The following GRK2 variants were observed in gnomAD, a reference collection of about 807,000 sequenced individuals.
GRK2 encodes the protein adrenergic beta receptor kinase 1.
In GRK2, 23 loss-of-function variants were observed where a neutral mutation model predicts 97.8. The ratio of observed to expected loss-of-function variants is 0.24; its 90% CI spans 0.17 to 0.33. The LOEUF is 0.33. Ranked by LOEUF, GRK2 falls within the 10% of genes least tolerant of loss-of-function variation. GRK2 has a pLI of 1.00. For synonymous variants in GRK2, 425 were observed against 381.7 expected, an observed-to-expected ratio of 1.11 and a Z score of -1.32; for missense variants, 633 against 956.9, an observed-to-expected ratio of 0.66 and a Z score of 4.47.
In GRK2 at chr11:67,280,927, C is replaced by G. The variant is rs1018229902; in HGVS notation, c.555+144C>G. The G allele has an allele frequency of 2.6e-6, 3 of 1,171,942 alleles. No homozygotes were observed. The African/African-American group carries it at 4.5e-5, about 18-fold the overall frequency. The allele number at this position is 1,171,942 out of a possible 1,614,324, so 72.6% of individuals were successfully genotyped here. The stretch of plus-strand genomic sequence containing the variant: ...GGGCCGTGGCTATGGGGGTCAGGGC[C>G]GGGATCCCAGCATGGGGAGGCCGGA... On this transcript the variant is annotated intron_variant, in intron 7 of 20. Transcript: ENST00000308595.
At chr11:67,266,979 G>T (rs1202727537) in intron 1 of GRK2, among the ~76,000 whole-genome samples, 167 bp downstream of exon 1, 1 of 151,832 alleles carries the variant, frequency 6.6e-6, no homozygotes, top group East Asian at 2.0e-4. Flanking sequence ...GCGCCTGCGG[G>T]TCCAGACCCT....
In GRK2 at chr11:67,281,392, G is replaced by GC. The variant is rs1011492440; in HGVS notation, c.648-62dup. 8 of 1,435,322 alleles carry GC rather than the reference G, an allele frequency of 5.6e-6. No homozygotes were observed. Among genetic ancestry groups the GC allele is most frequent in the African/African-American group, 4.2e-5 (3 of 71,274 alleles). 88.9% of individuals were successfully genotyped at this position (1,435,322 alleles called of 1,614,324 possible). A position where few individuals can be genotyped will look rare whatever the true frequency, so the allele number is the denominator to read the frequency against. On this transcript the variant is annotated intron_variant, in intron 8 of 20. Coordinates refer to ENST00000308595, the MANE Select transcript of GRK2 (RefSeq NM_001619.5). The surrounding 1 kb of genome is among the most constrained non-coding windows in gnomAD (Gnocchi z 5.7). ...CCTGGGTCTAGTCTTTCCCTCAAGC[G>GC]CCCCCTGAGGCAGCCCTGGGCCCCT...
chr11:67,279,988 C>A, intron 6 of GRK2, 88 bp downstream of exon 6: 1 of 1,346,802 alleles, frequency 7.4e-7, no homozygotes, highest in Non-Finnish European at 1.1e-6. Context: ...AGAAGCCAGC[C>A]TTCATTAGGC....
intron 2 of GRK2, 48 bp downstream of exon 2, chr11:67,277,396 C>T (rs1373938809): frequency 6.5e-7 from 1 of 1,541,884 alleles, no homozygotes; most frequent in Admixed American, 1.7e-5. Context: ...ACTTCTTGCC[C>T]CTACCCCAGC....
rs1310420394 is a variant in GRK2, at chr11:67,269,365, G to A, written c.113+2553G>A. Among the ~76,000 whole-genome samples, 1 of 152,186 alleles carries A rather than the reference G, an allele frequency of 6.6e-6. No individual in the cohort carries two copies. On this transcript the variant is annotated intron_variant, in intron 1 of 20. Coordinates refer to ENST00000308595, the MANE Select transcript of GRK2 (RefSeq NM_001619.5). This position sits in a 1 kb window ranked among gnomAD's most constrained non-coding sequence, Gnocchi z 4.1. ...TTGAGGCTCAGGGAGGGGAGGAGTCGTGTCCTCGTCACAGAAGAAAGCTGG... is the reference window on the plus strand; with the variant it reads ...TTGAGGCTCAGGGAGGGGAGGAGTCATGTCCTCGTCACAGAAGAAAGCTGG...
chr11:67,281,471 G>A lies in GRK2; in HGVS notation c.660G>A (p.Lys220=). Residue 220 remains lysine (K), a synonymous_variant, in exon 9 of 21, where the codon AAG becomes AAA. Transcript: ENST00000308595. This position sits in a 1 kb window ranked among gnomAD's most constrained non-coding sequence, Gnocchi z 5.7. ...CTCTGCCCCGTAGGTACGCCATGAA[G>A]TGCCTGGACAAAAAGCGCATCAAGA... ...KADTGKMYAM[K]CLDKKRIKMK... 3 of 1,613,648 alleles carry A rather than the reference G, an allele frequency of 1.9e-6. No homozygotes were observed. The highest frequency in any genetic ancestry group is 2.5e-6 in the Non-Finnish European group (3 of 1,179,960).
Position 67,281,412 on chromosome 11 carries a change from G to C in GRK2, c.648-47G>C. ...CAAGCGCCCCCTGAGGCAGCCCTGG[G>C]CCCCTGCTCTGAGGGTGGGTGTTGA... On this transcript the variant is annotated intron_variant, in intron 8 of 20. Coordinates refer to ENST00000308595, the MANE Select transcript of GRK2 (RefSeq NM_001619.5). The surrounding 1 kb of genome is among the most constrained non-coding windows in gnomAD (Gnocchi z 5.7). 2 of 1,555,618 alleles carry C rather than the reference G, an allele frequency of 1.3e-6. No individual in the cohort carries two copies. The highest frequency in any genetic ancestry group is 1.8e-6 in the Non-Finnish European group (2 of 1,129,426).
chr11:67,282,296 A>G lies in GRK2; in HGVS notation c.983A>G (p.His328Arg). Residue 328 changes from histidine (H) to arginine (R), a missense_variant, in exon 12 of 21, where the codon CAT (histidine) becomes CGT (arginine). His to Arg is a conservative substitution (Grantham distance 29). This residue lies in a region of GRK2 where 192 missense variants were observed against 362.3 expected (regional missense o/e 0.53). Coordinates refer to ENST00000308595, the MANE Select transcript of GRK2 (RefSeq NM_001619.5). The surrounding 1 kb of genome is among the most constrained non-coding windows in gnomAD (Gnocchi z 6.9). Reference sequence around the variant, plus strand: ...CCAGCCAACATCCTTCTGGACGAGCATGGCCACGTGCGGATCTCGGACCTG... The same window carrying G: ...CCAGCCAACATCCTTCTGGACGAGCGTGGCCACGTGCGGATCTCGGACCTG... ...LKPANILLDE[H>R]GHVRISDLGL... 1 of 1,613,486 alleles carries G rather than the reference A, an allele frequency of 6.2e-7. No individual in the cohort carries two copies. The highest frequency in any genetic ancestry group is 8.5e-7 in the Non-Finnish European group (1 of 1,179,964).
intron 1 of GRK2, among the ~76,000 whole-genome samples, chr11:67,273,703 T>C (rs1325700580): frequency 6.6e-6 from 1 of 152,134 alleles, no homozygotes; most frequent in African/African-American, 2.4e-5. Context: ...TAAAAAACAT[T>C]TTTTTCTTTT....
Position 67,283,750 on chromosome 11 carries a change from T to A in GRK2, c.1372T>A (p.Trp458Arg). 1 of 1,613,740 alleles carries A rather than the reference T, an allele frequency of 6.2e-7. No individual in the cohort carries two copies. The highest frequency in any genetic ancestry group is 8.5e-7 in the Non-Finnish European group (1 of 1,180,000). The change falls in exon 16 of 21, where the codon TGG becomes AGG. Residue 458 changes from tryptophan (W) to arginine (R), a missense_variant. Transcript: ENST00000308595. ...GAGCCCCTTTTTCCGCTCCCTGGAC[T>A]GGCAGATGGTCTTCTTGCAGAAGGT... Reference protein sequence around the residue: ...KESPFFRSLDWQMVFLQKYPP... With the variant: ...KESPFFRSLDRQMVFLQKYPP...
chr11:67,269,993 T>G lies in GRK2; in HGVS notation c.113+3181T>G, dbSNP rs1278464390. ...AAGGAGGTAGCGTAAGGCAGCATTG[T>G]GTATCTGGAAGATGGGAGGTCTGGC... On this transcript the variant is annotated intron_variant, in intron 1 of 20. Transcript: ENST00000308595. This position sits in a 1 kb window ranked among gnomAD's most constrained non-coding sequence, Gnocchi z 4.1. 1.3e-5 allele frequency among the ~76,000 whole-genome samples: 2 copies of G among 152,172 alleles called. No individual in the cohort carries two copies. The highest frequency in any genetic ancestry group is 3.8e-4 in the East Asian group (2 of 5,198).
intron 1 of GRK2, among the ~76,000 whole-genome samples, chr11:67,268,494 C>T (rs1358078053): frequency 1.3e-5 from 2 of 152,068 alleles, no homozygotes; most frequent in Non-Finnish European, 2.9e-5. Flanking sequence ...AGGGAGGAAA[C>T]GGGGGAGTCA....
rs374925854 is a variant in GRK2, at chr11:67,279,570, T to G, written c.366+51T>G. On this transcript the variant is annotated intron_variant, in intron 4 of 20. Coordinates refer to ENST00000308595, the MANE Select transcript of GRK2 (RefSeq NM_001619.5). Reference sequence around the variant, plus strand: ...TGCTGGCCCAGAGTCACCTGCAGATTGGGAGGGGAAGAGAGGACCCTGCTG... The same window carrying G: ...TGCTGGCCCAGAGTCACCTGCAGATGGGGAGGGGAAGAGAGGACCCTGCTG... 149 of 1,612,408 alleles carry G rather than the reference T, an allele frequency of 9.2e-5. 1 individual carries two copies. Among genetic ancestry groups the G allele is most frequent in the Admixed American group, 3.3e-5 (2 of 59,986 alleles).
chr11:67,286,436 G>C lies in GRK2; in HGVS notation c.*986G>C, dbSNP rs778473983. 5.7e-6 allele frequency: 4 copies of C among 699,976 alleles called. No homozygotes were observed. Among genetic ancestry groups the C allele is most frequent in the Non-Finnish European group, 5.2e-6 (2 of 383,446 alleles). 43.4% of individuals were successfully genotyped at this position (699,976 alleles called of 1,614,324 possible). The stretch of plus-strand genomic sequence containing the variant: ...GTCGCGCCTTCTCCCCCCCGGGGCT[G>C]GGTTGGCGCACCCTCCCCTCCCGTC... On this transcript the variant is annotated 3_prime_UTR_variant, in exon 21 of 21. Coordinates refer to ENST00000308595, the MANE Select transcript of GRK2 (RefSeq NM_001619.5).
At chr11:67,267,056 C>G (rs757163712) in intron 1 of GRK2, among the ~76,000 whole-genome samples, 1 of 152,128 alleles carries the variant, frequency 6.6e-6, no homozygotes, top group Non-Finnish European at 1.5e-5. Flanking sequence ...CCCCATCGGT[C>G]CCCGGACCCA....
In GRK2 at chr11:67,269,646, C is replaced by A. The variant is rs1301457993; in HGVS notation, c.113+2834C>A. Among the ~76,000 whole-genome samples, 1 of 152,188 alleles carries A rather than the reference C, an allele frequency of 6.6e-6. No individual in the cohort carries two copies. Among genetic ancestry groups the A allele is most frequent in the East Asian group, 1.9e-4 (1 of 5,194 alleles). On this transcript the variant is annotated intron_variant, in intron 1 of 20. Coordinates refer to ENST00000308595, the MANE Select transcript of GRK2 (RefSeq NM_001619.5). This position sits in a 1 kb window ranked among gnomAD's most constrained non-coding sequence, Gnocchi z 4.1. ...GAGGGGCAGCCCCACTCCAGGGTCC[C>A]GTCAGATGCAGGAGCCTGTCTTCCC...
chr11:67,280,303 T>C, intron 6 of GRK2: 1 of 353,766 alleles, frequency 2.8e-6, no homozygotes, highest in South Asian at 3.1e-5. Flanking sequence ...GCGCGGTGGG[T>C]GGGAATTGTA....
rs930789864 is a variant in GRK2 at position 67,269,621 on chromosome 11, G to A, written c.113+2809G>A. ...GCTGCCGTGGCAAAGCTACTGCACC[G>A]AGGGGCAGCCCCACTCCAGGGTCCC... On this transcript the variant is annotated intron_variant, in intron 1 of 20. Transcript: ENST00000308595. This position sits in a 1 kb window ranked among gnomAD's most constrained non-coding sequence, Gnocchi z 4.1. 1.3e-5 allele frequency among the ~76,000 whole-genome samples: 2 copies of A among 152,316 alleles called. No homozygotes were observed. The highest frequency in any genetic ancestry group is 1.9e-4 in the East Asian group (1 of 5,186).
Position 67,283,778 on chromosome 11 carries a change from C to T in GRK2, c.1395+5C>T. On this transcript the variant is annotated splice_donor_5th_base_variant and intron_variant, in intron 16 of 20. Transcript: ENST00000308595. ...CAGATGGTCTTCTTGCAGAAGGTAACAGTCTGCGGCAGGGACTGGGGGTGC... is the reference window on the plus strand; with the variant it reads ...CAGATGGTCTTCTTGCAGAAGGTAATAGTCTGCGGCAGGGACTGGGGGTGC... The T allele has an allele frequency of 6.2e-7, 1 of 1,613,622 alleles. No individual in the cohort carries two copies. The highest frequency in any genetic ancestry group is 1.7e-5 in the Admixed American group (1 of 60,030).
Sources: gnomAD v4.1 joint callset for allele counts (sites outside exome capture counted in the v4.1 genomes callset) on GRCh38, gnomAD v4.1.1 for gene constraint, gnomAD v4.1.1 regional missense constraint, Gnocchi (gnomAD v3.1) non-coding constraint, MANE v1.5 for transcripts, NCBI Gene and HGNC (gene_info 2026-07-23, HGNC 2026-07-21) for gene names.